The following SLC7A9 variants were observed in gnomAD, a reference collection of about 807,000 sequenced individuals.
The protein encoded by SLC7A9 is B(0,+)-type amino acid transporter 1.
SLC7A9 carries 38 observed loss-of-function variants against 54.1 expected under a neutral mutation model. That is an observed-to-expected ratio of 0.70 (90% CI 0.54 to 0.92). The LOEUF (loss-of-function observed/expected upper bound fraction) is 0.92, where lower values mean the gene tolerates loss of function less well. SLC7A9 is among the 40% of genes least tolerant of loss of function. The pLI is 0.00. For missense variants in SLC7A9, 537 were observed against 636.1 expected (o/e 0.84, Z 1.68); for synonymous variants, 264 against 258.9 (o/e 1.02, Z -0.19).
intron 11 of SLC7A9, among the ~76,000 whole-genome samples, chr19:32,840,520 C>G (rs977277995): frequency 6.6e-6 from 1 of 151,918 alleles, no homozygotes; most frequent in Non-Finnish European, 1.5e-5. Context: ...ATTTTTTTCC[C>G]TAAAATGATG....
chr19:32,857,543 G>A lies in SLC7A9; in HGVS notation c.977+897C>T, dbSNP rs748113604. Among the ~76,000 whole-genome samples the A allele has an allele frequency of 5.1e-4, 78 of 152,150 alleles. 1 individual carries two copies. Among genetic ancestry groups the A allele is most frequent in the Admixed American group, 3.3e-4 (5 of 15,268 alleles). On this transcript the variant is annotated intron_variant, in intron 9 of 12. Coordinates refer to ENST00000023064, the MANE Select transcript of SLC7A9 (RefSeq NM_014270.5). ...GACAAAGAATGAAGTTGGAGGCCTA[G>A]CACTACATGTATTTCGGTTTGGCTT...
intron 11 of SLC7A9, among the ~76,000 whole-genome samples, chr19:32,836,308 C>A (rs532204320): frequency 6.6e-6 from 1 of 152,290 alleles, no homozygotes; most frequent in African/African-American, 2.4e-5. Context: ...CTTGGCCTCC[C>A]AAAATGCTGG....
intron 2 of SLC7A9, among the ~76,000 whole-genome samples, chr19:32,866,800 TC>T (rs1968984392): frequency 6.6e-6 from 1 of 151,354 alleles, no homozygotes; most frequent in Admixed American, 6.6e-5. Context: ...CTTGGTGCCG[TC>T]CCTCCTCCAT....
chr19:32,850,907 A>C (rs984770575), intron 9 of SLC7A9, among the ~76,000 whole-genome samples: 4 of 152,210 alleles, frequency 2.6e-5, no homozygotes, highest in Non-Finnish European at 4.4e-5. Flanking sequence ...AAACCTGACA[A>C]AAACAAGCAA....
At chr19:32,844,095 GGGTCT>G (rs747853942) in intron 9 of SLC7A9, 144 bp from the exon 10 acceptor site, 1 of 701,370 alleles carries the variant, frequency 1.4e-6, no homozygotes, top group Non-Finnish European at 2.6e-6. Context: ...CTTCAGATGG[GGGTCT>G]GTCTTCGGGA....
rs1969045214 is a variant in SLC7A9, at chr19:32,868,498, C to T, written c.37G>A (p.Glu13Lys). Residue 13 changes from glutamate to lysine, a missense_variant, in exon 2 of 13, where the codon GAG (glutamate) becomes AAG (lysine). By Grantham distance (56) the Glu-to-Lys change is moderately conservative. Coordinates refer to ENST00000023064, the MANE Select transcript of SLC7A9 (RefSeq NM_014270.5). ...GGCTCTTGGCTCTGGATCGACTTCTCATCCTCTCTCCGCTTTCTCAGGCCA... is the reference window on the plus strand; with the variant it reads ...GGCTCTTGGCTCTGGATCGACTTCTTATCCTCTCTCCGCTTTCTCAGGCCA... The part of the protein sequence containing the change: ...DTGLRKRRED[E>K]KSIQSQEPKT... The T allele has an allele frequency of 1.2e-6, 2 of 1,614,174 alleles. No individual in the cohort carries two copies. Among genetic ancestry groups the T allele is most frequent in the South Asian group, 2.2e-5 (2 of 91,080 alleles).
intron 11 of SLC7A9, among the ~76,000 whole-genome samples, chr19:32,839,497 G>C (rs571030140): frequency 1.3e-5 from 2 of 150,108 alleles, no homozygotes; most frequent in East Asian, 2.0e-4. Context: ...AGGTTACAGT[G>C]AGCTGAGATG....
At chr19:32,834,773 T>C (rs1967908267) in intron 11 of SLC7A9, among the ~76,000 whole-genome samples, 1 of 152,178 alleles carries the variant, frequency 6.6e-6, no homozygotes, top group African/African-American at 2.4e-5. Flanking sequence ...ATTGCATTTT[T>C]CCTTTGACTG....
chr19:32,832,715 C>T (rs555647460), intron 12 of SLC7A9: 57 of 200,398 alleles, frequency 2.8e-4, no homozygotes, highest in African/African-American at 1.2e-3. Context: ...AGTTCAAGAC[C>T]AGTCTGGGCC....
At chr19:32,852,491 C>T (rs1430796153) in intron 9 of SLC7A9, among the ~76,000 whole-genome samples, 1 of 151,990 alleles carries the variant, frequency 6.6e-6, no homozygotes, top group Non-Finnish European at 1.5e-5. Flanking sequence ...GACCCTGTCT[C>T]AAAACGACGA....
At chr19:32,833,400 AAG>A (rs1967865394) in intron 11 of SLC7A9, 77 bp from the exon 12 acceptor site, 10 of 1,350,996 alleles carry the variant, frequency 7.4e-6, no homozygotes, top group Non-Finnish European at 1.0e-5. Flanking sequence ...TTTTTATAAA[AAG>A]AGTATGAACT....
At chr19:32,867,659 T>C (rs1240522548) in intron 2 of SLC7A9, among the ~76,000 whole-genome samples, 1 of 151,884 alleles carries the variant, frequency 6.6e-6, no homozygotes, top group Non-Finnish European at 1.5e-5. Context: ...TAAAATAATA[T>C]GCGGGCCGGG....
intron 3 of SLC7A9, 26 bp downstream of exon 3, chr19:32,864,603 T>C (rs375060766): frequency 3.6e-5 from 58 of 1,611,058 alleles, no homozygotes; most frequent in Non-Finnish European, 4.6e-5. Context: ...CTTCCGGGGC[T>C]GCAACAGGCT....
Position 32,863,813 on chromosome 19 carries a change from G to A in SLC7A9, c.478+283C>T, listed in dbSNP as rs148930572. 1.5e-3 allele frequency among the ~76,000 whole-genome samples: 221 copies of A among 152,372 alleles called. 1 individual carries two copies. Among genetic ancestry groups the A allele is most frequent in the African/African-American group, 5.2e-3 (218 of 41,584 alleles). ...AAAAATTATCAGGGCGTGGTAAGCA[G>A]CCTCCCGAGTAGCTGGGATTACAGG... On this transcript the variant is annotated intron_variant, in intron 4 of 12. Transcript: ENST00000023064.
chr19:32,834,730 G>T (rs1967906945), intron 11 of SLC7A9, among the ~76,000 whole-genome samples: 1 of 152,162 alleles, frequency 6.6e-6, no homozygotes, highest in African/African-American at 2.4e-5. Context: ...AGTTAAGTTT[G>T]CTGGGATTGT....
At chr19:32,856,196 T>G (rs75644400) in intron 9 of SLC7A9, among the ~76,000 whole-genome samples, 1 of 85,264 alleles carries the variant, frequency 1.2e-5, no homozygotes, top group African/African-American at 4.2e-5. Flanking sequence ...TAGCTAGTGG[T>G]TTTTTTTTTT....
intron 11 of SLC7A9, among the ~76,000 whole-genome samples, chr19:32,837,359 G>A (rs1599652817): frequency 6.6e-6 from 1 of 152,010 alleles, no homozygotes; most frequent in East Asian, 1.9e-4. Context: ...GCCAGGTGTG[G>A]TGGCGTGCAC....
At chr19:32,840,961 G>A (rs1968111403) in intron 11 of SLC7A9, among the ~76,000 whole-genome samples, 1 of 152,160 alleles carries the variant, frequency 6.6e-6, no homozygotes, top group Non-Finnish European at 1.5e-5. Context: ...TAGAGGCTCT[G>A]TCTGTTTCTA....
chr19:32,840,870 TAG>T (rs2145807307), intron 11 of SLC7A9, among the ~76,000 whole-genome samples: 1 of 152,304 alleles, frequency 6.6e-6, no homozygotes, highest in South Asian at 2.1e-4. Context: ...GGCATCCACT[TAG>T]AGTCTGGAGT....
Sources: allele counts gnomAD v4.1 joint callset (sites outside exome capture counted in the v4.1 genomes callset), GRCh38; gene constraint gnomAD v4.1.1; transcripts MANE v1.5; gene names NCBI Gene and HGNC (gene_info 2026-07-23, HGNC 2026-07-21).